NAALADL2: variants seen among roughly 807,000 people sequenced by gnomAD.
The protein encoded by NAALADL2 is N-acetylated alpha-linked acidic dipeptidase like 2.
Under a neutral mutation model 87.2 loss-of-function variants are expected in NAALADL2, and 76 were observed. That is an observed-to-expected ratio of 0.87 (90% CI 0.72 to 1.05). The LOEUF is 1.05. Among genes scored for constraint, NAALADL2 ranks in the 50% least tolerant of loss-of-function variants. NAALADL2 has a pLI of 0.00. For synonymous variants in NAALADL2, 354 were observed against 331.0 expected, an observed-to-expected ratio of 1.07 and a Z score of -0.75; for missense variants, 1,089 against 945.8, an observed-to-expected ratio of 1.15 and a Z score of -1.99.
chr3:175,636,087 G>A (rs146609582), intron 11 of NAALADL2, among the ~76,000 whole-genome samples: 1 of 151,980 alleles, frequency 6.6e-6, no homozygotes, highest in Non-Finnish European at 1.5e-5. Flanking sequence ...TCCCCTACAT[G>A]CACACACACA....
intron 10 of NAALADL2, among the ~76,000 whole-genome samples, chr3:175,593,302 G>A (rs1467519008): frequency 2.0e-5 from 3 of 152,008 alleles, no homozygotes; most frequent in East Asian, 1.9e-4. Flanking sequence ...TTGTGATAAC[G>A]TCTAAGCAGG....
intron 2 of NAALADL2, among the ~76,000 whole-genome samples, chr3:175,123,615 C>G (rs1019230383): frequency 1.3e-5 from 2 of 151,866 alleles, no homozygotes; most frequent in South Asian, 4.1e-4. Context: ...TAGATGCACC[C>G]TACCGTTTAC....
chr3:175,029,890 T>C (rs565213127), intron 1 of NAALADL2, among the ~76,000 whole-genome samples: 83 of 152,224 alleles, frequency 5.5e-4, no homozygotes, highest in African/African-American at 1.8e-3. Context: ...ATAGGTGCTT[T>C]AAATACTTAT....
intron 1 of NAALADL2, among the ~76,000 whole-genome samples, chr3:174,918,287 A>C (rs1734679455): frequency 6.6e-6 from 1 of 152,140 alleles, no homozygotes; most frequent in Admixed American, 6.6e-5. Context: ...CATACTATAA[A>C]AAAATATATT....
chr3:174,580,474 A>G (rs1339378926), intron 2 of NAALADL2, among the ~76,000 whole-genome samples: 2 of 152,068 alleles, frequency 1.3e-5, no homozygotes, highest in African/African-American at 2.4e-5. Context: ...GTTTTTACTC[A>G]TGTATATACA....
chr3:175,493,774 T>C (rs1728433220), intron 9 of NAALADL2, among the ~76,000 whole-genome samples: 1 of 152,186 alleles, frequency 6.6e-6, no homozygotes, highest in African/African-American at 2.4e-5. Context: ...TGTCATTATG[T>C]TGTTTTGCAT....
chr3:174,941,773 T>A (rs372009201), intron 1 of NAALADL2, among the ~76,000 whole-genome samples: 3 of 146,538 alleles, frequency 2.0e-5, no homozygotes, highest in South Asian at 2.2e-4. Context: ...TGTTTTTTTT[T>A]ATTTTTTGTT....
chr3:175,153,891 G>C (rs1320359158), intron 2 of NAALADL2, among the ~76,000 whole-genome samples: 1 of 152,194 alleles, frequency 6.6e-6, no homozygotes, highest in Admixed American at 6.5e-5. Context: ...TTGGCTTTCA[G>C]AGGTCGTTCA....
intron 1 of NAALADL2, among the ~76,000 whole-genome samples, chr3:174,519,929 G>A (rs1342609849): frequency 6.6e-6 from 1 of 152,024 alleles, no homozygotes; most frequent in East Asian, 1.9e-4. Context: ...TTTAAGCTGA[G>A]AACCAAATCA....
intron 3 of NAALADL2, among the ~76,000 whole-genome samples, chr3:175,246,101 C>G (rs981206649): frequency 1.3e-4 from 20 of 152,242 alleles, no homozygotes; most frequent in Non-Finnish European, 2.2e-4. Flanking sequence ...ATAATTCTAA[C>G]AGTCTTTGAA....
intron 1 of NAALADL2, among the ~76,000 whole-genome samples, chr3:175,069,540 A>T (rs1715194439): frequency 6.7e-6 from 1 of 150,278 alleles, no homozygotes; most frequent in African/African-American, 2.5e-5. Flanking sequence ...GTGGAGAAAT[A>T]GGAACACTTT....
At chr3:174,932,259 C>T (rs1366172920) in intron 1 of NAALADL2, among the ~76,000 whole-genome samples, 2 of 152,242 alleles carry the variant, frequency 1.3e-5, no homozygotes, top group East Asian at 3.9e-4. Context: ...CAGGCACCAT[C>T]AGATCATCAA....
intron 6 of NAALADL2, 51 bp from the exon 7 acceptor site, chr3:175,463,350 A>C: frequency 8.5e-7 from 1 of 1,173,164 alleles, no homozygotes; most frequent in Non-Finnish European, 1.2e-6. Context: ...AGGTTTAAAA[A>C]ATACAATAAA....
At chr3:174,953,785 G>A (rs188178097) in intron 1 of NAALADL2, among the ~76,000 whole-genome samples, 100 of 152,044 alleles carry the variant, frequency 6.6e-4, no homozygotes, top group African/African-American at 2.4e-3. Context: ...CAAGAAAGGA[G>A]GTGCGTGACT....
At chr3:174,670,866 G>T (rs1464424664) in intron 2 of NAALADL2, among the ~76,000 whole-genome samples, 1 of 151,992 alleles carries the variant, frequency 6.6e-6, no homozygotes, top group African/African-American at 2.4e-5. Flanking sequence ...GGTGGGGCTT[G>T]GTGGGAGGTG....
rs1433802982 is a variant in NAALADL2 at position 174,458,210 on chromosome 3, AAGAT to A, written c.-184+17181_-184+17184del. The stretch of plus-strand genomic sequence containing the variant: ...ACTATATAAGGGTTATTGTAAGAAA[AAGAT>A]AGCATGTGGGAAACTGCATTATCCT... On this transcript the variant is annotated intron_variant, in intron 1 of 3. Coordinates refer to the NAALADL2 transcript ENST00000434257. Among the ~76,000 whole-genome samples the A allele has an allele frequency of 5.9e-5, 9 of 152,288 alleles. No homozygotes were observed. In the Middle Eastern group the frequency reaches 0.017, roughly 288 times the overall value.
At chr3:175,171,189 G>C (rs1484754458) in intron 2 of NAALADL2, among the ~76,000 whole-genome samples, 1 of 151,936 alleles carries the variant, frequency 6.6e-6, no homozygotes, top group African/African-American at 2.4e-5. Flanking sequence ...CTATTATTCT[G>C]CATTTCTATT....
chr3:175,322,091 T>C (rs1295431154), intron 4 of NAALADL2, among the ~76,000 whole-genome samples: 1 of 150,324 alleles, frequency 6.7e-6, no homozygotes, highest in Non-Finnish European at 1.5e-5. Flanking sequence ...CAAACTATAC[T>C]ACAAGGCTAC....
At chr3:174,712,079 G>A (rs796674003) in intron 2 of NAALADL2, among the ~76,000 whole-genome samples, 9 of 152,044 alleles carry the variant, frequency 5.9e-5, no homozygotes, top group East Asian at 1.9e-4. Context: ...GGGCCACCGC[G>A]CCCTGGCCTA....
Sources: gnomAD v4.1 joint callset for allele counts (sites outside exome capture counted in the v4.1 genomes callset) on GRCh38, gnomAD v4.1.1 for gene constraint, MANE v1.5 for transcripts, NCBI Gene and HGNC (gene_info 2026-07-23, HGNC 2026-07-21) for gene names.